Variants in RGS9 observed in about 807,000 individuals in gnomAD.
RGS9 encodes regulator of G-protein signalling 9.
In RGS9, 78 loss-of-function variants were observed where a neutral mutation model predicts 102.0. That is an observed-to-expected ratio of 0.76 (90% CI 0.64 to 0.92). RGS9 has a LOEUF of 0.92. RGS9 is among the 40% of genes least tolerant of loss of function. The pLI is 0.00. For synonymous variants in RGS9, 353 were observed against 318.6 expected, an observed-to-expected ratio of 1.11 and a Z score of -1.15; for missense variants, 833 against 866.1, an observed-to-expected ratio of 0.96 and a Z score of 0.48.
rs896756177 is a variant in RGS9, at chr17:65,227,488, T to C, written c.*81T>C. The C allele has an allele frequency of 1.6e-5, 24 of 1,537,974 alleles. No homozygotes were observed. The African/African-American group carries it at 3.2e-4, about 20-fold the overall frequency. ...CCATGGTATGGGCCACAGGACACAC[T>C]TGCTCGAGAACCAAAGTGCATTTGG... On this transcript the variant is annotated 3_prime_UTR_variant, in exon 19 of 19. Transcript: ENST00000262406.
intron 18 of RGS9, among the ~76,000 whole-genome samples, chr17:65,226,723 C>T (rs566810629): frequency 2.6e-5 from 4 of 151,964 alleles, no homozygotes; most frequent in Non-Finnish European, 5.9e-5. Flanking sequence ...AGCAATTCTC[C>T]TGCCTCAGCC....
rs756505202 is a variant in RGS9 at position 65,153,442 on chromosome 17, C to T, written c.78C>T (p.Asp26=). The T allele has an allele frequency of 9.3e-6, 15 of 1,614,004 alleles. No individual in the cohort carries two copies. In the Middle Eastern group the frequency reaches 4.9e-4, roughly 53 times the overall value. ...FLQKIEALVK[D]MQNPETGVRM... Reference sequence around the variant, plus strand: ...TGCAGATTGAAGCGCTCGTGAAGGACATGCAGAACCCAGAGACAGGGGTCC... The same window carrying T: ...TGCAGATTGAAGCGCTCGTGAAGGATATGCAGAACCCAGAGACAGGGGTCC... The change falls in exon 2 of 19, where the codon GAC becomes GAT. Residue 26 remains aspartate (D), a synonymous_variant. Coordinates refer to ENST00000262406, the MANE Select transcript of RGS9 (RefSeq NM_003835.4).
rs377156671 is a variant in RGS9, at chr17:65,148,875, T to C, written c.58-4547T>C. Among the ~76,000 whole-genome samples, 23 of 152,346 alleles carry C rather than the reference T, an allele frequency of 1.5e-4. No homozygotes were observed. In the East Asian group the frequency reaches 4.0e-3, roughly 27 times the overall value. The stretch of plus-strand genomic sequence containing the variant: ...CAATTGCTATTTCATAAATACTTTG[T>C]GCACAGAATGATATGAAATGCTTTG... On this transcript the variant is annotated intron_variant, in intron 1 of 18. Coordinates refer to ENST00000262406, the MANE Select transcript of RGS9 (RefSeq NM_003835.4).
chr17:65,206,672 G>A (rs915841993), intron 15 of RGS9, among the ~76,000 whole-genome samples: 2 of 152,032 alleles, frequency 1.3e-5, no homozygotes, highest in South Asian at 2.1e-4. Context: ...GTGAAACTCC[G>A]TCTCAAAAAA....
intron 8 of RGS9, among the ~76,000 whole-genome samples, chr17:65,168,660 G>A (rs1567869370): frequency 6.7e-6 from 1 of 150,374 alleles, no homozygotes; most frequent in Admixed American, 6.7e-5. Flanking sequence ...ATAGAGTCCC[G>A]TGAGAATGGA....
chr17:65,212,702 A>T (rs1324669692), intron 17 of RGS9, among the ~76,000 whole-genome samples: 1 of 152,222 alleles, frequency 6.6e-6, no homozygotes, highest in African/African-American at 2.4e-5. Flanking sequence ...CTAGCCCAGA[A>T]GAGGGACACT....
intron 6 of RGS9, among the ~76,000 whole-genome samples, chr17:65,161,712 T>A (rs949651301): frequency 1.0e-3 from 141 of 136,330 alleles, no homozygotes; most frequent in African/African-American, 3.5e-3. Context: ...ATTTATATAT[T>A]TATTTATTTA....
chr17:65,215,296 C>T (rs1913448669), intron 17 of RGS9, among the ~76,000 whole-genome samples: 1 of 152,038 alleles, frequency 6.6e-6, no homozygotes, highest in Non-Finnish European at 1.5e-5. Flanking sequence ...AAAGAAGACC[C>T]AGAGATTTTG....
At chr17:65,177,850 G>A (rs2144036928) in intron 9 of RGS9, 47 bp downstream of exon 9, 1 of 1,458,582 alleles carries the variant, frequency 6.9e-7, no homozygotes, top group Non-Finnish European at 9.6e-7. Context: ...TCGGATTCTG[G>A]GGCTGGGAAG....
In RGS9 at chr17:65,164,100, G is replaced by T. The variant is rs950035007; in HGVS notation, c.500+1011G>T. On this transcript the variant is annotated intron_variant, in intron 7 of 18. Transcript: ENST00000262406. Reference sequence around the variant, plus strand: ...TTGGGGACAGGGAGTGGTAGGGAGAGGGTGTGGTCAGGACAAGGTTAGCCT... The same window carrying T: ...TTGGGGACAGGGAGTGGTAGGGAGATGGTGTGGTCAGGACAAGGTTAGCCT... Among the ~76,000 whole-genome samples the T allele has an allele frequency of 5.3e-5, 8 of 152,170 alleles. No homozygotes were observed. In the East Asian group the frequency reaches 1.5e-3, roughly 29 times the overall value.
intron 7 of RGS9, among the ~76,000 whole-genome samples, chr17:65,167,768 TTGG>T (rs1360195538): frequency 1.3e-5 from 2 of 151,964 alleles, no homozygotes; most frequent in Non-Finnish European, 2.9e-5. Context: ...AATGTTGAAG[TTGG>T]TGGAGTTGGT....
At chr17:65,215,026 T>A (rs1913434856) in intron 17 of RGS9, among the ~76,000 whole-genome samples, 1 of 152,060 alleles carries the variant, frequency 6.6e-6, no homozygotes, top group Non-Finnish European at 1.5e-5. Flanking sequence ...AAAAGGAGAG[T>A]TAGTGTCTTG....
chr17:65,145,765 A>G (rs1910334706), intron 1 of RGS9, among the ~76,000 whole-genome samples: 1 of 152,056 alleles, frequency 6.6e-6, no homozygotes, highest in African/African-American at 2.4e-5. Flanking sequence ...TAGGACTTCA[A>G]TGTACGAATT....
intron 9 of RGS9, among the ~76,000 whole-genome samples, chr17:65,184,782 TTC>T (rs1912040507): frequency 7.3e-6 from 1 of 136,916 alleles, no homozygotes; most frequent in Admixed American, 6.9e-5. Context: ...CTTTGTTTCT[TTC>T]TCTTTCTCTT....
chr17:65,224,280 T>C (rs1905512519), intron 17 of RGS9, among the ~76,000 whole-genome samples: 1 of 152,306 alleles, frequency 6.6e-6, no homozygotes, highest in East Asian at 1.9e-4. Context: ...GCTGGGGCCA[T>C]GGTGGCCCAG....
At chr17:65,187,208 G>A (rs1912157692) in intron 9 of RGS9, among the ~76,000 whole-genome samples, 1 of 152,162 alleles carries the variant, frequency 6.6e-6, no homozygotes, top group East Asian at 1.9e-4. Flanking sequence ...CATTTACTGA[G>A]CATCTACTCT....
At chr17:65,209,314 G>T (rs757869008) in intron 16 of RGS9, among the ~76,000 whole-genome samples, 3 of 152,176 alleles carry the variant, frequency 2.0e-5, no homozygotes, top group Non-Finnish European at 4.4e-5. Context: ...TGGCAGGGCT[G>T]GTGAGAAATC....
chr17:65,202,469 G>A (rs1912897073), intron 14 of RGS9, among the ~76,000 whole-genome samples: 2 of 119,962 alleles, frequency 1.7e-5, no homozygotes, highest in African/African-American at 3.0e-5. Flanking sequence ...GAGAGAGAGT[G>A]AGAGAGAGAG....
intron 13 of RGS9, 122 bp from the exon 14 acceptor site, chr17:65,201,871 A>G (rs1400279650): frequency 7.0e-6 from 5 of 715,266 alleles, no homozygotes; most frequent in Non-Finnish European, 1.3e-5. Flanking sequence ...GCGGCAGGAA[A>G]GGTGTTCACT....
Sources: allele counts gnomAD v4.1 joint callset (sites outside exome capture counted in the v4.1 genomes callset), GRCh38; gene constraint gnomAD v4.1.1; transcripts MANE v1.5; gene names NCBI Gene and HGNC (gene_info 2026-07-23, HGNC 2026-07-21).